Variants in ATG10 observed in about 807,000 individuals in gnomAD.
The protein encoded by ATG10 is ubiquitin-like-conjugating enzyme ATG10.
In ATG10, 30 loss-of-function variants were observed where a neutral mutation model predicts 32.1. The ratio of observed to expected loss-of-function variants is 0.94; its 90% CI spans 0.70 to 1.27. ATG10 has a LOEUF of 1.27. Among genes scored for constraint, ATG10 ranks in the 50% most tolerant of loss-of-function variants. The pLI is 0.00. For synonymous variants in ATG10, 87 were observed against 91.5 expected, an observed-to-expected ratio of 0.95 and a Z score of 0.28; for missense variants, 233 against 262.3, an observed-to-expected ratio of 0.89 and a Z score of 0.77.
At chr5:82,037,808 G>T (rs1444716740) in intron 2 of ATG10, among the ~76,000 whole-genome samples, 1 of 152,068 alleles carries the variant, frequency 6.6e-6, no homozygotes, top group Non-Finnish European at 1.5e-5. Context: ...CATTAATGTA[G>T]TGATTACATT....
At chr5:82,059,094 T>A (rs1161409182) in intron 3 of ATG10, among the ~76,000 whole-genome samples, 1 of 152,184 alleles carries the variant, frequency 6.6e-6, no homozygotes, top group Non-Finnish European at 1.5e-5. Context: ...CTTGAAAATA[T>A]GCTGGATCTG....
At chr5:82,216,922 G>A (rs1453982218) in intron 5 of ATG10, among the ~76,000 whole-genome samples, 1 of 152,064 alleles carries the variant, frequency 6.6e-6, no homozygotes, top group Non-Finnish European at 1.5e-5. Flanking sequence ...GGGTGTAGTG[G>A]TGCGTGCCTG....
intron 2 of ATG10, among the ~76,000 whole-genome samples, chr5:82,017,505 A>G (rs1403915925): frequency 6.6e-6 from 1 of 152,168 alleles, no homozygotes; most frequent in Non-Finnish European, 1.5e-5. Context: ...GAATGCTTTC[A>G]ACTTTTCCTT....
At chr5:82,067,077 G>A (rs1184822477) in intron 3 of ATG10, among the ~76,000 whole-genome samples, 1 of 152,154 alleles carries the variant, frequency 6.6e-6, no homozygotes, top group Non-Finnish European at 1.5e-5. Context: ...ATCTAATGCT[G>A]ACAGATAAAT....
intron 2 of ATG10, among the ~76,000 whole-genome samples, chr5:81,987,979 G>C (rs1422003329): frequency 6.6e-6 from 1 of 151,988 alleles, no homozygotes; most frequent in Non-Finnish European, 1.5e-5. Flanking sequence ...ATGTTTCTGT[G>C]GTGCTTCAAA....
intron 2 of ATG10, among the ~76,000 whole-genome samples, chr5:82,001,148 G>C (rs1379920002): frequency 6.6e-6 from 1 of 152,078 alleles, no homozygotes; most frequent in Non-Finnish European, 1.5e-5. Context: ...CAAACAAATG[G>C]AAAAATATTC....
chr5:82,081,282 T>C (rs983090617), intron 3 of ATG10, among the ~76,000 whole-genome samples: 14 of 152,232 alleles, frequency 9.2e-5, no homozygotes, highest in Admixed American at 5.2e-4. Context: ...GTTTTCTAAA[T>C]ATACAATCAT....
intron 5 of ATG10, among the ~76,000 whole-genome samples, chr5:82,212,320 C>G (rs938930484): frequency 6.6e-6 from 1 of 152,172 alleles, no homozygotes; most frequent in African/African-American, 2.4e-5. Context: ...TGCTCTGAAT[C>G]CTAAACTCTT....
chr5:82,084,948 A>G (rs994117675), intron 3 of ATG10, among the ~76,000 whole-genome samples: 1 of 152,222 alleles, frequency 6.6e-6, no homozygotes, highest in Non-Finnish European at 1.5e-5. Flanking sequence ...ACCAGCTAAC[A>G]TCATAATGAC....
intron 3 of ATG10, among the ~76,000 whole-genome samples, chr5:82,139,173 G>C (rs1293247004): frequency 1.4e-5 from 2 of 143,966 alleles, no homozygotes; most frequent in Non-Finnish European, 3.0e-5. Context: ...GAGTGCAGTG[G>C]CGTGATCTCG....
At chr5:81,996,869 A>G (rs1761680477) in intron 2 of ATG10, among the ~76,000 whole-genome samples, 1 of 152,228 alleles carries the variant, frequency 6.6e-6, no homozygotes, top group Non-Finnish European at 1.5e-5. Context: ...CATGATTATA[A>G]GGATAATGAG....
intron 3 of ATG10, among the ~76,000 whole-genome samples, chr5:82,093,953 T>C (rs927853910): frequency 6.6e-6 from 1 of 152,146 alleles, no homozygotes; most frequent in African/African-American, 2.4e-5. Flanking sequence ...TTCCCAGCCT[T>C]GGTAAGTGTC....
chr5:82,245,845 C>G (rs542272392), intron 5 of ATG10, among the ~76,000 whole-genome samples: 1 of 152,152 alleles, frequency 6.6e-6, no homozygotes, highest in African/African-American at 2.4e-5. Context: ...TTCGCCACAA[C>G]TAAAAGAAAC....
chr5:82,238,922 T>C (rs966113360), intron 5 of ATG10, among the ~76,000 whole-genome samples: 1 of 152,178 alleles, frequency 6.6e-6, no homozygotes, highest in Non-Finnish European at 1.5e-5. Flanking sequence ...TGCATCTTGG[T>C]GCATCAATTT....
At chr5:82,068,843 GA>G (rs1490843822) in intron 3 of ATG10, among the ~76,000 whole-genome samples, 1 of 150,262 alleles carries the variant, frequency 6.7e-6, no homozygotes, top group African/African-American at 2.4e-5. Context: ...AATTTCTGAG[GA>G]AGATATGTTG....
intron 5 of ATG10, among the ~76,000 whole-genome samples, chr5:82,189,776 A>G (rs1223053550): frequency 1.3e-5 from 2 of 152,112 alleles, no homozygotes; most frequent in Non-Finnish European, 2.9e-5. Flanking sequence ...GGCATGCACC[A>G]CTACAACCCA....
chr5:82,039,314 A>G (rs892228692), intron 2 of ATG10, among the ~76,000 whole-genome samples: 1 of 152,340 alleles, frequency 6.6e-6, no homozygotes, highest in East Asian at 1.9e-4. Context: ...TAAAAATAGG[A>G]GAGAAGCAGG....
chr5:82,138,899 C>T (rs1266932552), intron 3 of ATG10, among the ~76,000 whole-genome samples: 4 of 125,362 alleles, frequency 3.2e-5, no homozygotes, highest in South Asian at 3.2e-4. Context: ...CCCTCTCATG[C>T]GGAGCCGAAG....
intron 3 of ATG10, among the ~76,000 whole-genome samples, chr5:82,118,384 G>GTATATATATATATATATATA (rs1347264600): frequency 1.6e-4 from 3 of 18,778 alleles, no homozygotes; most frequent in South Asian, 1.9e-3. Context: ...TATAATATAT[G>GTATATATATATATATATATA]TACATATATA....
Sources: allele counts gnomAD v4.1 joint callset (sites outside exome capture counted in the v4.1 genomes callset), GRCh38; gene constraint gnomAD v4.1.1; transcripts MANE v1.5; gene names NCBI Gene and HGNC (gene_info 2026-07-23, HGNC 2026-07-21).